The following CACNA1D variants were observed in gnomAD, a reference collection of about 807,000 sequenced individuals.
The protein encoded by CACNA1D is calcium voltage-gated channel subunit alpha1 D, also known as voltage-dependent L-type calcium channel subunit alpha-1D.
CACNA1D carries 55 observed loss-of-function variants against 257.1 expected under a neutral mutation model. That is an observed-to-expected ratio of 0.21 (90% CI 0.17 to 0.27). The LOEUF (loss-of-function observed/expected upper bound fraction) is 0.27. Ranked by LOEUF, CACNA1D falls within the 10% of genes least tolerant of loss-of-function variation. The probability of loss-of-function intolerance (pLI) is 1.00; values close to 1 mark genes in which losing one functional copy is unlikely to be tolerated. For missense variants in CACNA1D, 1,876 were observed against 2,784.0 expected (o/e 0.67, Z 7.34); for synonymous variants, 980 against 1,014.9 (o/e 0.97, Z 0.65).
At chr3:53,598,515 G>T (rs566191449) in intron 3 of CACNA1D, among the ~76,000 whole-genome samples, 6 of 151,510 alleles carry the variant, frequency 4.0e-5, no homozygotes, top group Non-Finnish European at 7.4e-5. Flanking sequence ...AACCCAGGAG[G>T]CAGAGGTCGT....
chr3:53,769,003 A>G (rs1003704108), intron 30 of CACNA1D, among the ~76,000 whole-genome samples: 1 of 152,250 alleles, frequency 6.6e-6, no homozygotes, highest in Non-Finnish European at 1.5e-5. Flanking sequence ...AGGCTGGCAC[A>G]TGCTGGCTCT....
In CACNA1D at chr3:53,800,792, A is replaced by G; in HGVS notation, c.5041-266A>G. The G allele has an allele frequency of 1.8e-6, 1 of 562,036 alleles. No individual in the cohort carries two copies. The highest frequency in any genetic ancestry group is 3.2e-6 in the Non-Finnish European group (1 of 313,390). The allele number at this position is 562,036 out of a possible 1,614,324, so 34.8% of individuals were successfully genotyped here. ...AGCCCAGCTGGGTATAAGTCACCCC[A>G]ACTTGGAGCAACTGGAAGAGCACAC... On this transcript the variant is annotated intron_variant, in intron 41 of 47. Coordinates refer to ENST00000350061, the MANE Select transcript of CACNA1D (RefSeq NM_001128840.3). The surrounding 1 kb of genome is among the most constrained non-coding windows in gnomAD (Gnocchi z 4.3).
intron 3 of CACNA1D, among the ~76,000 whole-genome samples, chr3:53,539,749 C>A (rs2092245693): frequency 6.6e-6 from 1 of 152,212 alleles, no homozygotes; most frequent in Non-Finnish European, 1.5e-5. Context: ...CTTGCCCACA[C>A]CTGGAATTGT....
chr3:53,543,092 A>T (rs1466715652), intron 3 of CACNA1D, among the ~76,000 whole-genome samples: 3 of 131,774 alleles, frequency 2.3e-5, no homozygotes, highest in African/African-American at 5.9e-5. Flanking sequence ...TAATAAAATT[A>T]AAAAAAAAAA....
At chr3:53,602,787 T>A (rs1250049977) in intron 3 of CACNA1D, among the ~76,000 whole-genome samples, 2 of 152,258 alleles carry the variant, frequency 1.3e-5, no homozygotes, top group Non-Finnish European at 2.9e-5. Context: ...GCCCATTTTT[T>A]AAATTGGGCT....
chr3:53,547,473 C>T (rs927135403), intron 3 of CACNA1D, among the ~76,000 whole-genome samples: 2 of 152,198 alleles, frequency 1.3e-5, no homozygotes, highest in African/African-American at 4.8e-5. Context: ...GAGACTTGGT[C>T]CCCTCATCTT....
intron 3 of CACNA1D, among the ~76,000 whole-genome samples, chr3:53,526,519 T>C (rs1372628811): frequency 1.3e-5 from 2 of 152,256 alleles, no homozygotes; most frequent in African/African-American, 2.4e-5. Flanking sequence ...GGAAAACTTA[T>C]TTCAGGTAAG....
intron 38 of CACNA1D, 26 bp downstream of exon 38, chr3:53,780,154 A>G: frequency 6.5e-7 from 1 of 1,528,798 alleles, no homozygotes; most frequent in South Asian, 1.1e-5. Flanking sequence ...CAGCAAGACA[A>G]GATGGCAGGA....
chr3:53,632,251 G>A (rs1280564497), intron 3 of CACNA1D, among the ~76,000 whole-genome samples: 3 of 152,198 alleles, frequency 2.0e-5, no homozygotes, highest in Non-Finnish European at 2.9e-5. Flanking sequence ...GCTTCACCTT[G>A]TACTTTTATG....
chr3:53,709,411 CATT>C (rs2094725935), intron 9 of CACNA1D, among the ~76,000 whole-genome samples: 1 of 152,186 alleles, frequency 6.6e-6, no homozygotes, highest in African/African-American at 2.4e-5. Flanking sequence ...GGCTAACTAT[CATT>C]AACCCCTGCA....
chr3:53,803,105 A>C (rs1278074242), intron 43 of CACNA1D, among the ~76,000 whole-genome samples: 1 of 152,024 alleles, frequency 6.6e-6, no homozygotes, highest in East Asian at 1.9e-4. Context: ...CTTTTTCCCT[A>C]GGTCCATTTT....
chr3:53,592,811 C>G (rs895633451), intron 3 of CACNA1D, among the ~76,000 whole-genome samples: 3 of 152,096 alleles, frequency 2.0e-5, no homozygotes, highest in Non-Finnish European at 2.9e-5. Context: ...TCAAGCGATT[C>G]TCCTGCCTCA....
intron 3 of CACNA1D, among the ~76,000 whole-genome samples, chr3:53,567,712 T>A (rs2092871044): frequency 6.6e-6 from 1 of 152,226 alleles, no homozygotes; most frequent in African/African-American, 2.4e-5. Context: ...TTCAGAATAT[T>A]TTCATTAATA....
chr3:53,624,845 G>T (rs961361963), intron 3 of CACNA1D, among the ~76,000 whole-genome samples: 1 of 152,176 alleles, frequency 6.6e-6, no homozygotes, highest in Non-Finnish European at 1.5e-5. Flanking sequence ...GGCAAACAGC[G>T]ATGGATACCC....
At chr3:53,769,176 T>TGGGGTG (rs1308403816) in intron 30 of CACNA1D, among the ~76,000 whole-genome samples, 1 of 152,160 alleles carries the variant, frequency 6.6e-6, no homozygotes, top group Non-Finnish European at 1.5e-5. Context: ...CTGCCCTCCC[T>TGGGGTG]GGGGTGGGGG....
chr3:53,743,723 C>T (rs149692054), intron 22 of CACNA1D, among the ~76,000 whole-genome samples: 153 of 152,308 alleles, frequency 1.0e-3, no homozygotes, highest in Non-Finnish European at 1.9e-3. Context: ...GGCAGAGGCT[C>T]CAGTAGAGCA....
chr3:53,682,831 C>T (rs1373554052), intron 8 of CACNA1D, among the ~76,000 whole-genome samples: 5 of 152,106 alleles, frequency 3.3e-5, no homozygotes, highest in African/African-American at 1.2e-4. Flanking sequence ...CAGACTGGAC[C>T]TTTCACCATA....
At chr3:53,675,563 T>C (rs1050708432) in intron 8 of CACNA1D, among the ~76,000 whole-genome samples, 1 of 151,686 alleles carries the variant, frequency 6.6e-6, no homozygotes, top group African/African-American at 2.4e-5. Flanking sequence ...CATGATGAAG[T>C]AGAGGCAGGA....
intron 30 of CACNA1D, among the ~76,000 whole-genome samples, chr3:53,763,067 C>A (rs537888736): frequency 2.6e-4 from 40 of 152,324 alleles, no homozygotes; most frequent in African/African-American, 9.1e-4. Flanking sequence ...GACCCCACAG[C>A]CAGCTATGCC....
Sources: gnomAD v4.1 joint callset for allele counts (sites outside exome capture counted in the v4.1 genomes callset) on GRCh38, gnomAD v4.1.1 for gene constraint, Gnocchi (gnomAD v3.1) non-coding constraint, MANE v1.5 for transcripts, NCBI Gene and HGNC (gene_info 2026-07-23, HGNC 2026-07-21) for gene names.